The following GRID1 variants were observed in gnomAD, a reference collection of about 807,000 sequenced individuals.
GRID1 encodes the protein glutamate receptor ionotropic, delta-1.
In GRID1, 28 loss-of-function variants were observed where a neutral mutation model predicts 98.0. That is an observed-to-expected ratio of 0.29 (90% CI 0.21 to 0.39). The LOEUF is 0.39. Among genes scored for constraint, GRID1 ranks in the 10% least tolerant of loss-of-function variants. The probability of loss-of-function intolerance (pLI) is 1.00; values close to 1 mark genes in which losing one functional copy is unlikely to be tolerated. For synonymous variants in GRID1, 553 were observed against 538.5 expected (o/e 1.03, Z -0.37); for missense variants, 1,111 against 1,340.5 (o/e 0.83, Z 2.67).
intron 12 of GRID1, among the ~76,000 whole-genome samples, chr10:85,698,631 T>C (rs1254590895): frequency 2.0e-5 from 3 of 152,252 alleles, no homozygotes; most frequent in East Asian, 1.9e-4. Context: ...TAAACATTTA[T>C]GTAAAGATTT....
rs533452404 is a variant in GRID1 at position 85,757,793 on chromosome 10, G to T, written c.1234-28179C>A. 1.5e-4 allele frequency among the ~76,000 whole-genome samples: 23 copies of T among 152,328 alleles called. 1 individual carries two copies. Among genetic ancestry groups the T allele is most frequent in the Admixed American group, 5.2e-4 (8 of 15,304 alleles). The stretch of plus-strand genomic sequence containing the variant: ...CCTGCTTTTGCAACTCCAAGGTGGG[G>T]ACAGTCATTCCTACCTGCTATAAGA... On this transcript the variant is annotated intron_variant, in intron 8 of 15. Coordinates refer to ENST00000327946, the MANE Select transcript of GRID1 (RefSeq NM_017551.3).
intron 4 of GRID1, among the ~76,000 whole-genome samples, chr10:86,084,954 T>C (rs1217455362): frequency 6.6e-6 from 1 of 152,226 alleles, no homozygotes; most frequent in Non-Finnish European, 1.5e-5. Flanking sequence ...AAACGGATGG[T>C]GGTGATGGTT....
chr10:85,890,099 A>G (rs1296882267), intron 5 of GRID1, among the ~76,000 whole-genome samples: 1 of 151,798 alleles, frequency 6.6e-6, no homozygotes, highest in Non-Finnish European at 1.5e-5. Flanking sequence ...ATTGTTAGCT[A>G]TAGTCATCCT....
chr10:85,877,417 C>A (rs925083821), intron 5 of GRID1, among the ~76,000 whole-genome samples: 1 of 152,192 alleles, frequency 6.6e-6, no homozygotes, highest in African/African-American at 2.4e-5. Context: ...TCCAGAGGAA[C>A]AATCAGGCAG....
intron 4 of GRID1, among the ~76,000 whole-genome samples, chr10:86,124,295 T>G (rs1443638802): frequency 6.6e-6 from 1 of 152,160 alleles, no homozygotes; most frequent in African/African-American, 2.4e-5. Flanking sequence ...GCTTTGATCT[T>G]GGACACCTCC....
chr10:86,069,152 A>G (rs1042701782), intron 4 of GRID1, among the ~76,000 whole-genome samples: 1 of 151,858 alleles, frequency 6.6e-6, no homozygotes, highest in Non-Finnish European at 1.5e-5. Flanking sequence ...AGGCTCTCTA[A>G]TGACAGCTGC....
chr10:86,273,918 T>G (rs1847226732), intron 2 of GRID1, among the ~76,000 whole-genome samples: 1 of 151,754 alleles, frequency 6.6e-6, no homozygotes, highest in East Asian at 1.9e-4. Flanking sequence ...TTAGTTTAAT[T>G]AGATCCCATT....
chr10:86,226,357 A>C (rs1589417801), intron 2 of GRID1, among the ~76,000 whole-genome samples: 1 of 36,884 alleles, frequency 2.7e-5, no homozygotes, highest in African/African-American at 1.1e-4. Context: ...ACCCCAGCAT[A>C]CCCTCCCACC....
chr10:85,881,307 C>A (rs1257780287), intron 5 of GRID1, among the ~76,000 whole-genome samples: 1 of 152,174 alleles, frequency 6.6e-6, no homozygotes, highest in Non-Finnish European at 1.5e-5. Context: ...AAAGAGCCCA[C>A]ATCACCAAGT....
rs368855915 is a variant in GRID1 at position 85,613,491 on chromosome 10, G to A, written c.2517C>T (p.Ala839=). ...CCAGGCAGGCCAGGAGCAGGCCAAT[G>A]GCCAGGATGCAGAAGACCCCGGCGA... The part of the protein sequence containing the change: ...HSFAGVFCIL[A]IGLLLACLVA... The change falls in exon 15 of 16, where the codon GCC becomes GCT. Residue 839 remains alanine, a synonymous_variant. Coordinates refer to ENST00000327946, the MANE Select transcript of GRID1 (RefSeq NM_017551.3). 17 of 1,614,032 alleles carry A rather than the reference G, an allele frequency of 1.1e-5. No homozygotes were observed. The highest frequency in any genetic ancestry group is 5.3e-5 in the African/African-American group (4 of 74,948).
chr10:85,608,264 GGATATCAGAAGCACAGGTGGA>G (rs1417061908), intron 15 of GRID1, among the ~76,000 whole-genome samples: 1 of 152,142 alleles, frequency 6.6e-6, no homozygotes, highest in Non-Finnish European at 1.5e-5. Context: ...ATCCTTGGCT[GGATATCAGAAGCACAGGTGGA>G]GATTTTAGAA....
At chr10:86,156,666 G>T (rs999901310) in intron 3 of GRID1, among the ~76,000 whole-genome samples, 1 of 152,212 alleles carries the variant, frequency 6.6e-6, no homozygotes, top group African/African-American at 2.4e-5. Context: ...AAGAGCAAAA[G>T]CACAGAAGCA....
intron 8 of GRID1, among the ~76,000 whole-genome samples, chr10:85,732,401 G>A (rs912577232): frequency 1.3e-5 from 2 of 152,186 alleles, no homozygotes; most frequent in East Asian, 3.8e-4. Context: ...ACGGTGAAGG[G>A]GCATCTTAAT....
chr10:86,253,813 T>C (rs1244204718), intron 2 of GRID1, among the ~76,000 whole-genome samples: 1 of 152,058 alleles, frequency 6.6e-6, no homozygotes, highest in Non-Finnish European at 1.5e-5. Context: ...TCCCTCACGA[T>C]CCATGACACA....
At chr10:86,005,208 A>T (rs1404149138) in intron 4 of GRID1, among the ~76,000 whole-genome samples, 1 of 151,780 alleles carries the variant, frequency 6.6e-6, no homozygotes, top group African/African-American at 2.4e-5. Flanking sequence ...CCTGCAGAAG[A>T]CTCTATGATT....
chr10:86,295,108 T>C (rs1439252273), intron 2 of GRID1, among the ~76,000 whole-genome samples: 1 of 152,082 alleles, frequency 6.6e-6, no homozygotes, highest in Non-Finnish European at 1.5e-5. Flanking sequence ...GAGAAAGGCA[T>C]GGGAGACAGA....
chr10:86,154,979 C>T (rs944360472), intron 3 of GRID1, among the ~76,000 whole-genome samples: 2 of 152,212 alleles, frequency 1.3e-5, no homozygotes, highest in Non-Finnish European at 1.5e-5. Context: ...AAAATTGAGG[C>T]TTGGAGAGGT....
At chr10:85,833,319 G>C (rs1407189667) in intron 8 of GRID1, among the ~76,000 whole-genome samples, 2 of 152,024 alleles carry the variant, frequency 1.3e-5, no homozygotes, top group Non-Finnish European at 2.9e-5. Flanking sequence ...GAAACCAGGC[G>C]GCCCAGCCTG....
chr10:85,999,413 G>T (rs1365422601), intron 4 of GRID1, among the ~76,000 whole-genome samples: 1 of 152,040 alleles, frequency 6.6e-6, no homozygotes, highest in Non-Finnish European at 1.5e-5. Flanking sequence ...CACCAATTCT[G>T]CATAATCTCT....
Sources: gnomAD v4.1 joint callset for allele counts (sites outside exome capture counted in the v4.1 genomes callset) on GRCh38, gnomAD v4.1.1 for gene constraint, MANE v1.5 for transcripts, NCBI Gene and HGNC (gene_info 2026-07-23, HGNC 2026-07-21) for gene names.